CCDC93: variants seen among roughly 807,000 people sequenced by gnomAD.
The protein encoded by CCDC93 is CCC complex scaffolding subunit CCDC93, also known as coiled-coil domain-containing protein 93.
A neutral mutation model predicts 108.2 loss-of-function variants in CCDC93; 61 were observed. That is an observed-to-expected ratio of 0.56 (90% CI 0.46 to 0.70). The LOEUF is 0.70. Among genes scored for constraint, CCDC93 ranks in the 30% least tolerant of loss-of-function variants. The pLI is 0.00. For missense variants in CCDC93, 685 were observed against 764.2 expected (o/e 0.90, Z 1.22); for synonymous variants, 276 against 260.4 (o/e 1.06, Z -0.58).
At chr2:117,932,784 C>T (rs902423409) in intron 22 of CCDC93, among the ~76,000 whole-genome samples, 4 of 152,202 alleles carry the variant, frequency 2.6e-5, no homozygotes, top group African/African-American at 9.6e-5. Flanking sequence ...CACACCAGCC[C>T]ACCGCAGTTC....
At chr2:117,988,197 T>G (rs1211218355) in intron 6 of CCDC93, among the ~76,000 whole-genome samples, 1 of 152,098 alleles carries the variant, frequency 6.6e-6, no homozygotes, top group Non-Finnish European at 1.5e-5. Flanking sequence ...GGTTAAATAT[T>G]AAGGTGACCC....
intron 23 of CCDC93, among the ~76,000 whole-genome samples, chr2:117,922,881 C>T (rs193238031): frequency 6.6e-6 from 1 of 152,032 alleles, no homozygotes; most frequent in African/African-American, 2.4e-5. Flanking sequence ...GCAAGCAAGT[C>T]CCTATCGTCA....
rs757320633 is a variant in CCDC93, at chr2:118,000,902, C to A, written c.282G>T (p.Leu94=). ...IALSEKIVSV[L]PRMKCPHQLE... ...GCTGGTGTGGGCATTTCATCCTTGG[C>A]AGGACCGAGACAATTTTTTCTGACA... The change falls in exon 4 of 24, where the codon CTG becomes CTT. Residue 94 remains leucine, a synonymous_variant. Coordinates refer to ENST00000376300, the MANE Select transcript of CCDC93 (RefSeq NM_019044.5). 3 of 1,613,458 alleles carry A rather than the reference C, an allele frequency of 1.9e-6. No homozygotes were observed.
At chr2:117,961,078 C>T (rs1205569367) in intron 11 of CCDC93, among the ~76,000 whole-genome samples, 1 of 152,086 alleles carries the variant, frequency 6.6e-6, no homozygotes, top group East Asian at 1.9e-4. Context: ...GCCTGGTTCA[C>T]TTGGTAACCC....
intron 11 of CCDC93, among the ~76,000 whole-genome samples, chr2:117,964,443 C>T (rs1387944157): frequency 6.6e-6 from 1 of 152,154 alleles, no homozygotes; most frequent in African/African-American, 2.4e-5. Flanking sequence ...TTGTGTTGGG[C>T]ACTGAGAGTA....
At chr2:117,921,614 C>T (rs1677874314) in intron 23 of CCDC93, 1 of 152,186 alleles carries the variant, frequency 6.6e-6, no homozygotes, top group African/African-American at 2.4e-5. Context: ...AAAACTTTTA[C>T]CCTTGAACCT....
chr2:117,943,774 T>C (rs1034833627), intron 18 of CCDC93, among the ~76,000 whole-genome samples: 2 of 152,202 alleles, frequency 1.3e-5, no homozygotes, highest in Non-Finnish European at 2.9e-5. Flanking sequence ...GGATGTAATA[T>C]CCACTCTCCA....
intron 7 of CCDC93, among the ~76,000 whole-genome samples, chr2:117,982,620 G>A (rs1435974566): frequency 6.6e-6 from 1 of 152,108 alleles, no homozygotes; most frequent in South Asian, 2.1e-4. Flanking sequence ...CAACCCCAAG[G>A]AAGAAATACT....
intron 18 of CCDC93, 64 bp downstream of exon 18, chr2:117,943,960 T>C (rs1678784938): frequency 3.6e-5 from 40 of 1,109,820 alleles, no homozygotes; most frequent in Non-Finnish European, 4.8e-5. Flanking sequence ...TTTCTAGTTA[T>C]GTCATAGGAC....
intron 14 of CCDC93, among the ~76,000 whole-genome samples, 193 bp downstream of exon 14, chr2:117,949,129 C>A (rs1228180201): frequency 6.6e-6 from 1 of 152,144 alleles, no homozygotes; most frequent in Non-Finnish European, 1.5e-5. Flanking sequence ...GGTGACTAAC[C>A]CAGGGCAGCC....
In CCDC93 at chr2:117,935,525, A is replaced by G. The variant is rs1433283024; in HGVS notation, c.1698T>C (p.Ile566=). 2 of 1,613,840 alleles carry G rather than the reference A, an allele frequency of 1.2e-6. No homozygotes were observed. Among genetic ancestry groups the G allele is most frequent in the Non-Finnish European group, 1.7e-6 (2 of 1,179,810 alleles). Residue 566 remains isoleucine (I), a synonymous_variant, in exon 22 of 24, where the codon ATT becomes ATC. Coordinates refer to ENST00000376300, the MANE Select transcript of CCDC93 (RefSeq NM_019044.5). ...RDQFLRQMEQ[I]VEGIKQSRMK... is the part of the protein sequence containing the mutation. ...TTCTACTTTGCTTAATTCCTTCCAC[A>G]ATCTGTTCCATCTGACGTAAAAACT...
chr2:117,950,470 G>A (rs1679016640), intron 13 of CCDC93: 3 of 985,274 alleles, frequency 3.0e-6, no homozygotes, highest in East Asian at 1.1e-4. Flanking sequence ...CCCCACAGGT[G>A]TCAGGCACCA....
Position 117,919,621 on chromosome 2 carries a change from G to C in CCDC93, c.*722C>G, listed in dbSNP as rs185347032. 6.6e-6 allele frequency: 1 copy of C among 152,174 alleles called. No homozygotes were observed. Among genetic ancestry groups the C allele is most frequent in the Non-Finnish European group, 1.5e-5 (1 of 68,038 alleles). The allele number at this position is 152,174 out of a possible 1,614,324, so 9.4% of individuals were successfully genotyped here. A position where few individuals can be genotyped will look rare whatever the true frequency, so the allele number is the denominator to read the frequency against. ...AGGGGAAGGTATAATTTTTATTGAC[G>C]TGTCCTCAGCACAAGGTCTGTTTTC... On this transcript the variant is annotated 3_prime_UTR_variant, in exon 24 of 24. Transcript: ENST00000376300.
chr2:117,930,205 T>C (rs1006799065), intron 23 of CCDC93, among the ~76,000 whole-genome samples: 1 of 152,188 alleles, frequency 6.6e-6, no homozygotes, highest in African/African-American at 2.4e-5. Context: ...GACTACATTT[T>C]TTATTCTGCA....
At chr2:117,921,287 C>T (rs1457209959) in intron 23 of CCDC93, among the ~76,000 whole-genome samples, 1 of 152,098 alleles carries the variant, frequency 6.6e-6, no homozygotes. Flanking sequence ...CCATCCTCTG[C>T]CTGTAGAATC....
At position 118,000,940 on chromosome 2, in the gene CCDC93, G is replaced by C; in HGVS notation, c.252-8C>G. On this transcript the variant is annotated splice_region_variant and splice_polypyrimidine_tract_variant and intron_variant, in intron 3 of 23. Transcript: ENST00000376300. The stretch of plus-strand genomic sequence containing the variant: ...ATTTTTTCTGACAGAGCTCTGTTCA[G>C]AAAAAGTAACAAGCAAAGAGTGAGG... 1 of 1,573,352 alleles carries C rather than the reference G, an allele frequency of 6.4e-7. No homozygotes were observed. Among genetic ancestry groups the C allele is most frequent in the Non-Finnish European group, 8.7e-7 (1 of 1,143,008 alleles).
intron 6 of CCDC93, among the ~76,000 whole-genome samples, chr2:117,986,443 T>G (rs1260834058): frequency 6.6e-6 from 1 of 152,160 alleles, no homozygotes; most frequent in African/African-American, 2.4e-5. Context: ...CCTAGTAATA[T>G]CTGCTCAGGT....
chr2:118,010,308 A>G (rs1232847503), intron 1 of CCDC93, among the ~76,000 whole-genome samples: 4 of 152,056 alleles, frequency 2.6e-5, no homozygotes, highest in Non-Finnish European at 5.9e-5. Context: ...TTTTACCCCA[A>G]TCTTTATCTA....
intron 19 of CCDC93, among the ~76,000 whole-genome samples, chr2:117,940,911 G>A (rs1176217337): frequency 1.3e-5 from 2 of 152,214 alleles, no homozygotes; most frequent in African/African-American, 4.8e-5. Context: ...TGGTGTGGGA[G>A]CTCAGGGGAA....
Sources: gnomAD v4.1 joint callset for allele counts (sites outside exome capture counted in the v4.1 genomes callset) on GRCh38, gnomAD v4.1.1 for gene constraint, MANE v1.5 for transcripts, NCBI Gene and HGNC (gene_info 2026-07-23, HGNC 2026-07-21) for gene names.